RECK: variants seen among roughly 807,000 people sequenced by gnomAD.
RECK encodes reversion-inducing cysteine-rich protein with Kazal motifs.
Under a neutral mutation model 115.1 loss-of-function variants are expected in RECK, and 69 were observed. That is an observed-to-expected ratio of 0.60 (90% CI 0.49 to 0.73). The LOEUF (loss-of-function observed/expected upper bound fraction) is 0.73. Ranked by LOEUF, RECK falls within the 30% of genes least tolerant of loss-of-function variation. RECK has a pLI of 0.00. For missense variants in RECK, 1,047 were observed against 1,203.7 expected (o/e 0.87, Z 1.93); for synonymous variants, 414 against 419.7 (o/e 0.99, Z 0.17).
intron 9 of RECK, among the ~76,000 whole-genome samples, chr9:36,089,300 C>T (rs2132635419): frequency 6.6e-6 from 1 of 152,284 alleles, no homozygotes; most frequent in East Asian, 1.9e-4. Flanking sequence ...AAAAGAGCTT[C>T]AGTAAGGAAG....
At chr9:36,049,046 G>A (rs1182992281) in intron 1 of RECK, among the ~76,000 whole-genome samples, 1 of 152,052 alleles carries the variant, frequency 6.6e-6, no homozygotes, top group African/African-American at 2.4e-5. Flanking sequence ...TTTAAATAAT[G>A]GTTTTAATAT....
intron 6 of RECK, among the ~76,000 whole-genome samples, chr9:36,079,574 A>ATAGAGGGATCTT (rs1822597357): frequency 6.6e-6 from 1 of 152,246 alleles, no homozygotes; most frequent in African/African-American, 2.4e-5. Flanking sequence ...ACACAGCTAC[A>ATAGAGGGATCTT]TAGAGGGATC....
intron 1 of RECK, 33 bp from the exon 2 acceptor site, chr9:36,052,232 G>A: frequency 7.2e-7 from 1 of 1,394,794 alleles, no homozygotes; most frequent in Non-Finnish European, 1.0e-6. Flanking sequence ...TTTAACAGTG[G>A]AACAACATTT....
intron 9 of RECK, 101 bp downstream of exon 9, chr9:36,088,062 G>T (rs1009263956): frequency 3.6e-6 from 3 of 830,714 alleles, no homozygotes; most frequent in Non-Finnish European, 5.8e-6. Context: ...CGTGGTATAG[G>T]TTTAGCATTT....
intron 12 of RECK, among the ~76,000 whole-genome samples, chr9:36,104,857 T>C (rs1430957482): frequency 1.3e-5 from 2 of 152,222 alleles, no homozygotes; most frequent in Non-Finnish European, 2.9e-5. Context: ...GTAAACTCTA[T>C]GTTAGAGACT....
intron 6 of RECK, among the ~76,000 whole-genome samples, chr9:36,074,630 A>G (rs1822377830): frequency 6.6e-6 from 1 of 152,200 alleles, no homozygotes; most frequent in Non-Finnish European, 1.5e-5. Flanking sequence ...GAAAAATTTT[A>G]TAGACTTTTT....
intron 16 of RECK, among the ~76,000 whole-genome samples, chr9:36,116,716 C>T (rs1230505492): frequency 6.6e-6 from 1 of 152,228 alleles, no homozygotes; most frequent in Non-Finnish European, 1.5e-5. Flanking sequence ...CAGCCTCCAG[C>T]TAGAACACTG....
intron 6 of RECK, among the ~76,000 whole-genome samples, chr9:36,077,956 G>A (rs559176795): frequency 1.3e-5 from 2 of 152,074 alleles, no homozygotes; most frequent in African/African-American, 2.4e-5. Context: ...ACCCATAGTC[G>A]CAGGTACTTG....
rs1564130801 is a variant in RECK, at chr9:36,104,311, T to TGC, written c.1436-832_1436-831insGC. ...GTGTGTGTATATATATATATATATA[T>TGC]ATATATATATATATATTTTTTTTTT... On this transcript the variant is annotated intron_variant, in intron 12 of 20. Transcript: ENST00000377966. Among the ~76,000 whole-genome samples, 385 of 68,990 alleles carry TGC rather than the reference T, an allele frequency of 5.6e-3. 14 individuals are homozygous for TGC. The highest frequency in any genetic ancestry group is 0.026 in the African/African-American group (351 of 13,252). 45.3% of individuals were successfully genotyped at this position (68,990 alleles called of 152,430 possible).
At position 36,105,199 on chromosome 9, in the gene RECK, C is replaced by G. The variant is rs78749972; in HGVS notation, c.1492C>G (p.Pro498Ala). ...EEVTHPCNPN[P>A]CPANELCEVN... ...AGTGACTCATCCCTGTAACCCAAATCCTTGCCCTGCCAATGAGCTCTGTGA... is the reference window on the plus strand; with the variant it reads ...AGTGACTCATCCCTGTAACCCAAATGCTTGCCCTGCCAATGAGCTCTGTGA... The change falls in exon 13 of 21, where the codon CCT becomes GCT. Residue 498 changes from proline to alanine, a missense_variant. By Grantham distance (27) the Pro-to-Ala change is conservative. Coordinates refer to ENST00000377966, the MANE Select transcript of RECK (RefSeq NM_021111.3). 6.2e-7 allele frequency: 1 copy of G among 1,613,886 alleles called. No homozygotes were observed. The highest frequency in any genetic ancestry group is 1.3e-5 in the African/African-American group (1 of 74,918).
chr9:36,047,940 A>G (rs977819523), intron 1 of RECK, among the ~76,000 whole-genome samples: 7 of 151,704 alleles, frequency 4.6e-5, no homozygotes, highest in Admixed American at 1.3e-4. Context: ...AAACTTAGAA[A>G]CTTGGTTGGT....
At chr9:36,099,224 T>A (rs980762442) in intron 10 of RECK, among the ~76,000 whole-genome samples, 2 of 146,870 alleles carry the variant, frequency 1.4e-5, no homozygotes, top group South Asian at 2.2e-4. Flanking sequence ...AGAACCTGTC[T>A]CAACAACAAC....
At chr9:36,056,073 A>G (rs1049767876) in intron 2 of RECK, among the ~76,000 whole-genome samples, 15 of 152,080 alleles carry the variant, frequency 9.9e-5, no homozygotes, top group Non-Finnish European at 1.6e-4. Context: ...AAGTGTAATA[A>G]ACCCCCATAT....
intron 16 of RECK, among the ~76,000 whole-genome samples, chr9:36,112,888 C>G (rs1824117545): frequency 1.3e-5 from 2 of 152,274 alleles, no homozygotes; most frequent in Middle Eastern, 6.8e-3. Flanking sequence ...TAAAGCAGTT[C>G]TGTAAGACTG....
In RECK at chr9:36,070,915, C is replaced by T. The variant is rs566134227; in HGVS notation, c.405+5291C>T. Among the ~76,000 whole-genome samples, 5 of 152,316 alleles carry T rather than the reference C, an allele frequency of 3.3e-5. No homozygotes were observed. The East Asian group carries it at 9.6e-4, about 29-fold the overall frequency. On this transcript the variant is annotated intron_variant, in intron 6 of 20. Coordinates refer to ENST00000377966, the MANE Select transcript of RECK (RefSeq NM_021111.3). The stretch of plus-strand genomic sequence containing the variant: ...CATGTTCAAGTATCATGGACTTGCT[C>T]AGTTCTAGGTTCTCTGCCTTTTCAC...
At chr9:36,069,278 A>AG (rs1360564161) in intron 6 of RECK, among the ~76,000 whole-genome samples, 1 of 152,064 alleles carries the variant, frequency 6.6e-6, no homozygotes, top group African/African-American at 2.4e-5. Context: ...GGTGGCTCAC[A>AG]CCTGTAATCC....
intron 6 of RECK, among the ~76,000 whole-genome samples, chr9:36,078,436 C>T (rs1028127882): frequency 1.3e-5 from 2 of 152,210 alleles, no homozygotes; most frequent in African/African-American, 4.8e-5. Flanking sequence ...AGTCTTGGCA[C>T]CACTGGCATT....
Position 36,058,827 on chromosome 9 carries a change from AT to A in RECK, c.164del (p.Phe55SerfsTer9). 6.3e-7 allele frequency: 1 copy of A among 1,580,676 alleles called. No homozygotes were observed. The highest frequency in any genetic ancestry group is 8.6e-7 in the Non-Finnish European group (1 of 1,164,516). On this transcript the variant is annotated frameshift_variant and splice_region_variant, in exon 3 of 21. Coordinates refer to ENST00000377966, the MANE Select transcript of RECK (RefSeq NM_021111.3). LOFTEE classifies it high-confidence loss of function. ...AAACTTTTTTTTTTTTGTCAAATAG[AT>A]TTTCTCCTCAAAAAGTGAATCCCGA... ...NQMCRDVCEQ[I>X]FSSKSESRLK...
chr9:36,121,191 T>C (rs1315485065), intron 19 of RECK, among the ~76,000 whole-genome samples: 1 of 152,222 alleles, frequency 6.6e-6, no homozygotes, highest in Non-Finnish European at 1.5e-5. Flanking sequence ...GCTCCAGAAA[T>C]GTTGCACCCA....
Sources: gnomAD v4.1 joint callset for allele counts (sites outside exome capture counted in the v4.1 genomes callset) on GRCh38, gnomAD v4.1.1 for gene constraint, MANE v1.5 for transcripts, NCBI Gene and HGNC (gene_info 2026-07-23, HGNC 2026-07-21) for gene names.